The following DNAH5 variants were observed in gnomAD, a reference collection of about 807,000 sequenced individuals.
DNAH5 encodes the protein dynein axonemal heavy chain 5, also known as axonemal beta dynein heavy chain 5.
DNAH5 carries 372 observed loss-of-function variants against 518.2 expected under a neutral mutation model. The ratio of observed to expected loss-of-function variants is 0.72; its 90% CI spans 0.66 to 0.78. DNAH5 has a LOEUF of 0.78. Among genes scored for constraint, DNAH5 ranks in the 30% least tolerant of loss-of-function variants. The pLI, the probability that DNAH5 is intolerant of heterozygous loss-of-function variation, is 0.00. For synonymous variants in DNAH5, 2,039 were observed against 2,025.9 expected, an observed-to-expected ratio of 1.01 and a Z score of -0.17; for missense variants, 5,523 against 5,687.0, an observed-to-expected ratio of 0.97 and a Z score of 0.93.
intron 1 of DNAH5, among the ~76,000 whole-genome samples, chr5:13,958,182 A>G (rs567814534): frequency 3.9e-4 from 59 of 152,060 alleles, no homozygotes; most frequent in African/African-American, 1.4e-3. Flanking sequence ...CCTGCATACA[A>G]ATCCTTGGTA....
At chr5:13,946,840 A>G (rs1018275877), upstream of DNAH5, among the ~76,000 whole-genome samples, 7 of 152,250 alleles carry the variant, frequency 4.6e-5, no homozygotes, top group Admixed American at 3.3e-4. Context: ...TCATTGAACA[A>G]AAGCTCGTGA....
At position 13,830,069 on chromosome 5, in the gene DNAH5, T is replaced by C; in HGVS notation, c.6206A>G (p.Asp2069Gly). Reference protein sequence around the residue: ...HKKSFIFTDGDNVTMNPEFGL... With the variant: ...HKKSFIFTDGGNVTMNPEFGL... ...AAATTCAGGGTTCATAGTCACATTA[T>C]CTCCATCAGTAAAGATAAAAGACTT... The change falls in exon 37 of 79, where the codon GAT becomes GGT. Residue 2069 changes from aspartate (D) to glycine (G), a missense_variant. Physicochemically the swap from Asp to Gly is moderately conservative, Grantham distance 94. Coordinates refer to ENST00000265104, the MANE Select transcript of DNAH5 (RefSeq NM_001369.3). 6.2e-7 allele frequency: 1 copy of C among 1,614,088 alleles called. No homozygotes were observed. The highest frequency in any genetic ancestry group is 8.5e-7 in the Non-Finnish European group (1 of 1,180,008).
rs555292737 is a variant in DNAH5, at chr5:13,708,514, T to C, written c.13126-179A>G. 2.2e-4 allele frequency among the ~76,000 whole-genome samples: 33 copies of C among 151,878 alleles called. No homozygotes were observed. The South Asian group carries it at 6.9e-3, about 32-fold the overall frequency. The stretch of plus-strand genomic sequence containing the variant: ...AAAAGAAAACAGAAAAAAGTATCTG[T>C]TAGATGACCAGCCCGAATTTTCATG... On this transcript the variant is annotated intron_variant, in intron 75 of 78. Transcript: ENST00000265104.
intron 76 of DNAH5, 65 bp downstream of exon 76, chr5:13,708,058 C>T (rs1210419649): frequency 6.5e-7 from 1 of 1,538,474 alleles, no homozygotes; most frequent in Non-Finnish European, 9.0e-7. Flanking sequence ...ATGCTTTCCA[C>T]TTGCCAATTA....
chr5:13,988,523 T>C (rs1403818272), intron 1 of DNAH5, among the ~76,000 whole-genome samples: 2 of 151,894 alleles, frequency 1.3e-5, no homozygotes, highest in African/African-American at 4.8e-5. Flanking sequence ...GTTCAAGTGA[T>C]TCTCCTGCCT....
At chr5:13,706,737 A>G (rs1740677822) in intron 76 of DNAH5, among the ~76,000 whole-genome samples, 1 of 152,234 alleles carries the variant, frequency 6.6e-6, no homozygotes, top group Admixed American at 6.5e-5. Flanking sequence ...GTGAAAAATT[A>G]TTCCTTAAAA....
intron 61 of DNAH5, among the ~76,000 whole-genome samples, chr5:13,756,446 A>G (rs991840787): frequency 2.6e-5 from 4 of 152,338 alleles, no homozygotes; most frequent in Middle Eastern, 3.4e-3. Flanking sequence ...CCTAACAAAT[A>G]GCAGATGCTC....
intron 3 of DNAH5, among the ~76,000 whole-genome samples, chr5:13,924,788 C>T (rs1348667202): frequency 2.6e-5 from 4 of 152,050 alleles, no homozygotes; most frequent in Non-Finnish European, 5.9e-5. Flanking sequence ...CCTCTGTAAG[C>T]ATTATTATTA....
intron 77 of DNAH5, 99 bp from the exon 78 acceptor site, chr5:13,700,970 C>T (rs574166770): frequency 2.2e-5 from 27 of 1,250,892 alleles, no homozygotes; most frequent in Non-Finnish European, 3.1e-5. Flanking sequence ...CACTCTAACT[C>T]GAAGGACGTA....
chr5:13,975,659 A>G (rs1044471195), intron 1 of DNAH5, among the ~76,000 whole-genome samples: 13 of 152,188 alleles, frequency 8.5e-5, no homozygotes, highest in African/African-American at 3.1e-4. Context: ...AGCCTTATAT[A>G]AAATTCTGTT....
At chr5:13,982,230 GGT>G (rs1782725784) in intron 1 of DNAH5, among the ~76,000 whole-genome samples, 1 of 152,186 alleles carries the variant, frequency 6.6e-6, no homozygotes, top group Admixed American at 6.5e-5. Context: ...ATTGTATTTT[GGT>G]TAAAGGAAAT....
chr5:13,951,500 G>A (rs536653580), intron 1 of DNAH5, among the ~76,000 whole-genome samples: 5 of 152,192 alleles, frequency 3.3e-5, no homozygotes, highest in South Asian at 2.1e-4. Context: ...GATTACAGGC[G>A]TGAGCCACCA....
Position 13,814,853 on chromosome 5 carries a change from T to C in DNAH5, c.6989-7A>G. ...ATTATCCAGATATGTTCCCCTAGAA[T>C]ACCCCACCAAAGGGAAAAAAAAAAT... is the stretch of plus-strand genomic sequence containing the variant. On this transcript the variant is annotated splice_polypyrimidine_tract_variant and splice_region_variant and intron_variant, in intron 42 of 78. Coordinates refer to ENST00000265104, the MANE Select transcript of DNAH5 (RefSeq NM_001369.3). 1 of 1,613,040 alleles carries C rather than the reference T, an allele frequency of 6.2e-7. No individual in the cohort carries two copies. Among genetic ancestry groups the C allele is most frequent in the Non-Finnish European group, 8.5e-7 (1 of 1,179,766 alleles).
At position 13,885,167 on chromosome 5, in the gene DNAH5, G is replaced by A; in HGVS notation, c.2805C>T (p.Ala935=). 6.2e-7 allele frequency: 1 copy of A among 1,614,156 alleles called. No homozygotes were observed. The highest frequency in any genetic ancestry group is 1.3e-5 in the African/African-American group (1 of 75,046). Residue 935 remains alanine, a synonymous_variant, in exon 19 of 79, where the codon GCC becomes GCT. Transcript: ENST00000265104. ...TCCTCGTGACTGTCGTCAAAAGCAG[G>A]GCATTGGCCCTGGCATTAATAGATG... The part of the protein sequence containing the change: ...LTSSINARAN[A]LLLTTVTRKK...
chr5:13,801,027 A>T (rs937720444), intron 47 of DNAH5, among the ~76,000 whole-genome samples: 3 of 152,130 alleles, frequency 2.0e-5, no homozygotes, highest in African/African-American at 7.2e-5. Context: ...AATACAAGAA[A>T]CCTGGAGTCA....
At position 13,737,335 on chromosome 5, in the gene DNAH5, G is replaced by C. The variant is rs17263496; in HGVS notation, c.11372C>G (p.Thr3791Arg). Residue 3791 changes from threonine (T) to arginine (R), a missense_variant, in exon 66 of 79, where the codon ACA becomes AGA. Thr to Arg is a moderately conservative substitution (Grantham distance 71). Transcript: ENST00000265104. Reference protein sequence around the residue: ...LIVVLSNTKRTAEEVTQKLEI... With the variant: ...LIVVLSNTKRRAEEVTQKLEI... ...TAGCTTCTGTGTCACCTCCTCGGCTGTCCTTTTTGTGTTACTCAGCACGAC... is the reference window on the plus strand; with the variant it reads ...TAGCTTCTGTGTCACCTCCTCGGCTCTCCTTTTTGTGTTACTCAGCACGAC... 6.2e-7 allele frequency: 1 copy of C among 1,613,982 alleles called. No homozygotes were observed. The highest frequency in any genetic ancestry group is 1.1e-5 in the South Asian group (1 of 91,082).
Position 13,850,796 on chromosome 5 carries a change from T to C in DNAH5, c.4970A>G (p.Asn1657Ser). The change falls in exon 31 of 79, where the codon AAC becomes AGC. Residue 1657 changes from asparagine to serine, a missense_variant. By Grantham distance (46) the Asn-to-Ser change is conservative. Coordinates refer to ENST00000265104, the MANE Select transcript of DNAH5 (RefSeq NM_001369.3). ...QLPKEAKRFS[N>S]IDKSWVKIMT... ...GATCTTCACCCAAGATTTATCTATGTTAGAAAACCGCTTGGCTTCCTATGA... is the reference window on the plus strand; with the variant it reads ...GATCTTCACCCAAGATTTATCTATGCTAGAAAACCGCTTGGCTTCCTATGA... 2 of 1,614,212 alleles carry C rather than the reference T, an allele frequency of 1.2e-6. No individual in the cohort carries two copies. Among genetic ancestry groups the C allele is most frequent in the Non-Finnish European group, 1.7e-6 (2 of 1,180,030 alleles).
intron 1 of DNAH5, among the ~76,000 whole-genome samples, chr5:13,967,005 A>G (rs1781571728): frequency 6.6e-6 from 1 of 151,922 alleles, no homozygotes; most frequent in Non-Finnish European, 1.5e-5. Context: ...GGGATTACAG[A>G]TGTGCACCAC....
At chr5:13,744,414 T>A (rs1412787610) in intron 65 of DNAH5, among the ~76,000 whole-genome samples, 1 of 151,970 alleles carries the variant, frequency 6.6e-6, no homozygotes, top group Admixed American at 6.6e-5. Flanking sequence ...TAAGTTATAG[T>A]GTTTTATAGC....
Sources: allele counts gnomAD v4.1 joint callset (sites outside exome capture counted in the v4.1 genomes callset), GRCh38; gene constraint gnomAD v4.1.1; transcripts MANE v1.5; gene names NCBI Gene and HGNC (gene_info 2026-07-23, HGNC 2026-07-21).